Variants in CYP20A1 observed in about 807,000 individuals in gnomAD.
CYP20A1 encodes cytochrome P450 family 20 subfamily A member 1, also known as cytochrome P450 20A1.
Under a neutral mutation model 61.4 loss-of-function variants are expected in CYP20A1, and 61 were observed. The observed-to-expected ratio is 0.99, with a 90% CI of 0.81 to 1.23. The LOEUF (loss-of-function observed/expected upper bound fraction) is 1.23, where lower values mean the gene tolerates loss of function less well. Ranked by LOEUF, CYP20A1 falls within the 50% of genes most tolerant of loss-of-function variation. The pLI, the probability that CYP20A1 is intolerant of heterozygous loss-of-function variation, is 0.00. For synonymous variants in CYP20A1, 193 were observed against 188.2 expected (o/e 1.03, Z -0.21); for missense variants, 530 against 542.4 (o/e 0.98, Z 0.23).
Position 203,305,238 on chromosome 2 carries a change from G to A in CYP20A1, c.*8330G>A, listed in dbSNP as rs1403994193. Among the ~76,000 whole-genome samples the A allele has an allele frequency of 8.9e-6, 1 of 112,318 alleles. No individual in the cohort carries two copies. Among genetic ancestry groups the A allele is most frequent in the Non-Finnish European group, 1.6e-5 (1 of 60,866 alleles). The allele number at this position is 112,318 out of a possible 152,430, so 73.7% of individuals were successfully genotyped here. ...TTTTTTTGAGACCGAGTCTCCCTCT[G>A]TCACCAGGCTGGAGTGCAGTGGTGC... On this transcript the variant is annotated 3_prime_UTR_variant, in exon 13 of 13. Transcript: ENST00000356079.
chr2:203,296,584 C>G (rs756380618), intron 12 of CYP20A1, 21 bp downstream of exon 12: 1 of 1,563,860 alleles, frequency 6.4e-7, no homozygotes, highest in South Asian at 1.2e-5. Flanking sequence ...GAATGCCAGA[C>G]TCTGTTCTTA....
At chr2:203,269,975 G>A (rs2067496592) in intron 5 of CYP20A1, among the ~76,000 whole-genome samples, 1 of 151,914 alleles carries the variant, frequency 6.6e-6, no homozygotes, top group African/African-American at 2.4e-5. Flanking sequence ...TTTTTGCCTT[G>A]GTGCAGTGGT....
chr2:203,292,378 G>C (rs531397518), intron 11 of CYP20A1, 52 bp downstream of exon 11: 4 of 1,342,680 alleles, frequency 3.0e-6, no homozygotes, highest in Admixed American at 3.4e-5. Flanking sequence ...GTGTTTGCAC[G>C]TTTTGCATTC....
chr2:203,253,735 A>T, intron 4 of CYP20A1, among the ~76,000 whole-genome samples: 1 of 152,320 alleles, frequency 6.6e-6, no homozygotes, highest in East Asian at 1.9e-4. Context: ...AGACATTTGT[A>T]ATACATAATC....
chr2:203,281,044 C>T (rs866193536), intron 8 of CYP20A1, among the ~76,000 whole-genome samples: 1 of 152,060 alleles, frequency 6.6e-6, no homozygotes, highest in Non-Finnish European at 1.5e-5. Context: ...TAAAAGAACT[C>T]CTCTCGTTGG....
At chr2:203,239,790 G>A (rs566898954) in intron 1 of CYP20A1, among the ~76,000 whole-genome samples, 1 of 152,302 alleles carries the variant, frequency 6.6e-6, no homozygotes, top group Admixed American at 6.5e-5. Context: ...CAGCGAGAGA[G>A]GGAGGGTCTG....
At position 203,296,837 on chromosome 2, in the gene CYP20A1, A is replaced by T; in HGVS notation, c.1318A>T (p.Ile440Phe). Residue 440 changes from isoleucine to phenylalanine, a missense_variant, in exon 13 of 13, where the codon ATT becomes TTT. Coordinates refer to ENST00000356079, the MANE Select transcript of CYP20A1 (RefSeq NM_177538.3). The part of the protein sequence containing the change: ...LHLLSVEGQV[I>F]ETKYELVTSS... Reference sequence around the variant, plus strand: ...CCTACTTTCTGTGGAGGGACAGGTTATTGAAACAAAGTATGAACTGGTAAC... The same window carrying T: ...CCTACTTTCTGTGGAGGGACAGGTTTTTGAAACAAAGTATGAACTGGTAAC... 1 of 1,612,084 alleles carries T rather than the reference A, an allele frequency of 6.2e-7. No individual in the cohort carries two copies. The highest frequency in any genetic ancestry group is 8.5e-7 in the Non-Finnish European group (1 of 1,179,168).
At chr2:203,252,752 G>A (rs529918021) in intron 4 of CYP20A1, among the ~76,000 whole-genome samples, 8 of 152,134 alleles carry the variant, frequency 5.3e-5, no homozygotes, top group South Asian at 2.1e-4. Flanking sequence ...CCTATTAGCC[G>A]TATGCAGATT....
rs748483356 is a variant in CYP20A1 at position 203,289,803 on chromosome 2, C to T, written c.1010C>T (p.Ala337Val). The T allele has an allele frequency of 6.3e-7, 1 of 1,598,704 alleles. No homozygotes were observed. The highest frequency in any genetic ancestry group is 8.5e-7 in the Non-Finnish European group (1 of 1,171,860). ...QHVLCETVRT[A>V]KLTPVSAQLQ... is the part of the protein sequence containing the mutation. ...GTGCTTTGTGAAACTGTTCGAACTG[C>T]CAAACTGACTCCAGTTTCTGCCCAG... Residue 337 changes from alanine (A) to valine (V), a missense_variant, in exon 10 of 13, where the codon GCC becomes GTC. Physicochemically the swap from Ala to Val is moderately conservative, Grantham distance 64. Coordinates refer to ENST00000356079, the MANE Select transcript of CYP20A1 (RefSeq NM_177538.3).
At chr2:203,246,086 A>G (rs2066451563) in intron 2 of CYP20A1, among the ~76,000 whole-genome samples, 191 bp downstream of exon 2, 2 of 152,176 alleles carry the variant, frequency 1.3e-5, no homozygotes, top group African/African-American at 4.8e-5. Context: ...AGCCTAGGCG[A>G]CAGAGCCAGA....
In CYP20A1 at chr2:203,301,576, A is replaced by G. The variant is rs1376926451; in HGVS notation, c.*4668A>G. On this transcript the variant is annotated 3_prime_UTR_variant, in exon 13 of 13. Transcript: ENST00000356079. ...GTGAGCCACGGCACCTGGTCCATAA[A>G]ACATTTTTTTATGAACTAAAGAGCT... Among the ~76,000 whole-genome samples, 1 of 152,044 alleles carries G rather than the reference A, an allele frequency of 6.6e-6. No individual in the cohort carries two copies. Among genetic ancestry groups the G allele is most frequent in the Non-Finnish European group, 1.5e-5 (1 of 68,008 alleles).
intron 11 of CYP20A1, among the ~76,000 whole-genome samples, chr2:203,293,916 A>G (rs1482876828): frequency 1.3e-5 from 2 of 152,074 alleles, no homozygotes. Flanking sequence ...GACTTTACAG[A>G]GTGAAATTCT....
At chr2:203,293,213 TCTC>T in intron 11 of CYP20A1, among the ~76,000 whole-genome samples, 1 of 26,182 alleles carries the variant, frequency 3.8e-5, no homozygotes, top group Non-Finnish European at 1.2e-4. Flanking sequence ...AGAATTTCTC[TCTC>T]TTTTTTTTTT....
chr2:203,267,761 C>T (rs1487894407), intron 5 of CYP20A1, among the ~76,000 whole-genome samples: 1 of 150,486 alleles, frequency 6.6e-6, no homozygotes, highest in African/African-American at 2.4e-5. Context: ...GAGAACCACC[C>T]AAACCCGGGA....
At chr2:203,250,996 G>A (rs184516576) in intron 3 of CYP20A1, among the ~76,000 whole-genome samples, 24 of 149,078 alleles carry the variant, frequency 1.6e-4, no homozygotes, top group African/African-American at 4.9e-4. Flanking sequence ...CCCGGGAGGC[G>A]GAGCTTGCGG....
At chr2:203,258,007 T>TTATAG (rs1331175718) in intron 4 of CYP20A1, among the ~76,000 whole-genome samples, 57 of 59,636 alleles carry the variant, frequency 9.6e-4, no homozygotes, top group South Asian at 5.1e-3. Flanking sequence ...GCTGAAGGGA[T>TTATAG]CCTCCTGCCT....
intron 3 of CYP20A1, among the ~76,000 whole-genome samples, chr2:203,250,109 T>C (rs1331262779): frequency 6.6e-5 from 10 of 152,114 alleles, no homozygotes; most frequent in Non-Finnish European, 2.9e-5. Context: ...AACAATAATA[T>C]CTTAAGGAGT....
chr2:203,253,835 G>C (rs1264765975), intron 4 of CYP20A1, among the ~76,000 whole-genome samples: 1 of 151,974 alleles, frequency 6.6e-6, no homozygotes, highest in Non-Finnish European at 1.5e-5. Flanking sequence ...GCTCTGGATG[G>C]GGGTGGTGGT....
chr2:203,285,886 T>G (rs766719678), intron 9 of CYP20A1, among the ~76,000 whole-genome samples, 154 bp downstream of exon 9: 1 of 152,202 alleles, frequency 6.6e-6, no homozygotes, highest in Non-Finnish European at 1.5e-5. Flanking sequence ...AATCTGCTTT[T>G]TAAAATCATA....
Sources: gnomAD v4.1 joint callset for allele counts (sites outside exome capture counted in the v4.1 genomes callset) on GRCh38, gnomAD v4.1.1 for gene constraint, MANE v1.5 for transcripts, NCBI Gene and HGNC (gene_info 2026-07-23, HGNC 2026-07-21) for gene names.